The following NAALADL2 variants were observed in gnomAD, a reference collection of about 807,000 sequenced individuals.
NAALADL2 encodes N-acetylated alpha-linked acidic dipeptidase like 2, also known as inactive N-acetylated-alpha-linked acidic dipeptidase-like protein 2.
Under a neutral mutation model 87.2 loss-of-function variants are expected in NAALADL2, and 76 were observed. The observed-to-expected ratio is 0.87, with a 90% CI of 0.72 to 1.05. NAALADL2 has a LOEUF of 1.05. Among genes scored for constraint, NAALADL2 ranks in the 50% least tolerant of loss-of-function variants. The pLI is 0.00. For missense variants in NAALADL2, 1,089 were observed against 945.8 expected, an observed-to-expected ratio of 1.15 and a Z score of -1.99; for synonymous variants, 354 against 331.0, an observed-to-expected ratio of 1.07 and a Z score of -0.75.
At chr3:174,657,465 AT>A in intron 2 of NAALADL2, among the ~76,000 whole-genome samples, 1 of 152,080 alleles carries the variant, frequency 6.6e-6, no homozygotes, top group Non-Finnish European at 1.5e-5. Context: ...CCACAAAAAA[AT>A]TTTTAAGACA....
chr3:175,531,421 C>T (rs948043151), intron 9 of NAALADL2, among the ~76,000 whole-genome samples: 2 of 152,332 alleles, frequency 1.3e-5, no homozygotes, highest in African/African-American at 4.8e-5. Flanking sequence ...TATTTCCCAT[C>T]CTCTGGCACA....
intron 13 of NAALADL2, among the ~76,000 whole-genome samples, chr3:175,787,640 C>A (rs1024166967): frequency 6.6e-6 from 1 of 152,120 alleles, no homozygotes; most frequent in African/African-American, 2.4e-5. Flanking sequence ...GAACCCGGTA[C>A]CTCAGATGGA....
At chr3:174,898,133 A>AG in intron 1 of NAALADL2, among the ~76,000 whole-genome samples, 1 of 132,824 alleles carries the variant, frequency 7.5e-6, no homozygotes, top group Non-Finnish European at 1.5e-5. Flanking sequence ...AAAAAAAAAA[A>AG]AAAAAAAAAA....
At chr3:175,305,724 G>C (rs1401170631) in intron 4 of NAALADL2, among the ~76,000 whole-genome samples, 2 of 152,072 alleles carry the variant, frequency 1.3e-5, no homozygotes, top group Non-Finnish European at 2.9e-5. Flanking sequence ...GTTTCTCCAT[G>C]TTGGTCAGGC....
At chr3:175,099,932 T>G (rs1283173967) in intron 2 of NAALADL2, among the ~76,000 whole-genome samples, 1 of 151,838 alleles carries the variant, frequency 6.6e-6, no homozygotes. Flanking sequence ...CTGTGTTTAA[T>G]TCATCAATTA....
intron 11 of NAALADL2, among the ~76,000 whole-genome samples, chr3:175,665,081 C>G (rs1459241515): frequency 2.0e-5 from 3 of 152,000 alleles, no homozygotes; most frequent in Non-Finnish European, 4.4e-5. Context: ...TCATAGCTTG[C>G]CCAGCAATTT....
chr3:175,581,191 C>A, intron 10 of NAALADL2: 1 of 359,016 alleles, frequency 2.8e-6, no homozygotes, highest in Non-Finnish European at 5.8e-6. Flanking sequence ...CCTGTCATCT[C>A]TGCCCTTTGT....
chr3:174,793,004 C>A (rs1328600744), intron 3 of NAALADL2, among the ~76,000 whole-genome samples: 2 of 152,002 alleles, frequency 1.3e-5, no homozygotes, highest in East Asian at 3.9e-4. Flanking sequence ...TATCTTCCTA[C>A]AAAATATGTC....
At chr3:175,226,922 A>G (rs1744237851) in intron 2 of NAALADL2, among the ~76,000 whole-genome samples, 1 of 152,140 alleles carries the variant, frequency 6.6e-6, no homozygotes, top group East Asian at 1.9e-4. Flanking sequence ...CTTTAAATTT[A>G]TCACACATAT....
chr3:174,957,964 A>G (rs768957183), intron 1 of NAALADL2, among the ~76,000 whole-genome samples: 83 of 151,890 alleles, frequency 5.5e-4, no homozygotes, highest in African/African-American at 1.9e-3. Context: ...TAGTTTGTTA[A>G]TGTAGTTTCC....
intron 1 of NAALADL2, among the ~76,000 whole-genome samples, chr3:175,016,599 C>A (rs1026849633): frequency 2.0e-5 from 3 of 151,314 alleles, no homozygotes; most frequent in African/African-American, 7.3e-5. Flanking sequence ...TATACATATA[C>A]GCAAATTAAA....
intron 10 of NAALADL2, among the ~76,000 whole-genome samples, chr3:175,618,117 A>G (rs1400051558): frequency 1.3e-5 from 2 of 152,172 alleles, no homozygotes; most frequent in Non-Finnish European, 2.9e-5. Context: ...CAAAAGTAAC[A>G]TATTGTCCTT....
At chr3:175,092,894 T>TAACCCTCTATTA (rs1720406654) in intron 1 of NAALADL2, among the ~76,000 whole-genome samples, 1 of 151,902 alleles carries the variant, frequency 6.6e-6, no homozygotes, top group Admixed American at 6.6e-5. Flanking sequence ...ATATTACACT[T>TAACCCTCTATTA]TTCATAATAA....
chr3:174,816,494 T>C (rs1304664241), intron 3 of NAALADL2, among the ~76,000 whole-genome samples: 2 of 132,026 alleles, frequency 1.5e-5, no homozygotes, highest in African/African-American at 6.1e-5. Context: ...CGCATATATA[T>C]ACATTATTTT....
intron 3 of NAALADL2, among the ~76,000 whole-genome samples, chr3:174,761,040 T>G (rs1171340503): frequency 2.0e-5 from 3 of 152,228 alleles, no homozygotes; most frequent in Admixed American, 2.0e-4. Context: ...ACTTTCTCTT[T>G]GCAACCTCAG....
intron 2 of NAALADL2, among the ~76,000 whole-genome samples, chr3:174,698,442 C>T (rs937301350): frequency 6.6e-6 from 1 of 152,066 alleles, no homozygotes; most frequent in African/African-American, 2.4e-5. Context: ...CTTTCATAGT[C>T]GCCATTAAGA....
intron 9 of NAALADL2, among the ~76,000 whole-genome samples, chr3:175,480,932 T>G (rs1037088339): frequency 6.6e-6 from 1 of 151,920 alleles, no homozygotes; most frequent in African/African-American, 2.4e-5. Flanking sequence ...GTGTATAAAC[T>G]ATACATGGGC....
chr3:175,528,039 T>A (rs10804857), intron 9 of NAALADL2, among the ~76,000 whole-genome samples: 3 of 151,822 alleles, frequency 2.0e-5, no homozygotes, highest in Admixed American at 6.6e-5. Flanking sequence ...AAAAGTATAC[T>A]CATATTTGCA....
chr3:175,608,633 G>A (rs1446670177), intron 10 of NAALADL2, among the ~76,000 whole-genome samples: 1 of 151,952 alleles, frequency 6.6e-6, no homozygotes, highest in African/African-American at 2.4e-5. Context: ...TATAACGATC[G>A]TGTAGGAGTT....
Sources: gnomAD v4.1 joint callset for allele counts (sites outside exome capture counted in the v4.1 genomes callset) on GRCh38, gnomAD v4.1.1 for gene constraint, MANE v1.5 for transcripts, NCBI Gene and HGNC (gene_info 2026-07-23, HGNC 2026-07-21) for gene names.